Variants in COL24A1 observed in about 807,000 individuals in gnomAD.
COL24A1 encodes the protein collagen alpha-1(XXIV) chain.
A neutral mutation model predicts 253.9 loss-of-function variants in COL24A1; 224 were observed. That is an observed-to-expected ratio of 0.88 (90% confidence interval 0.79 to 0.99). The LOEUF (loss-of-function observed/expected upper bound fraction) is 0.99. Ranked by LOEUF, COL24A1 falls within the 50% of genes least tolerant of loss-of-function variation. COL24A1 has a pLI of 0.00. For synonymous variants in COL24A1, 685 were observed against 673.7 expected, an observed-to-expected ratio of 1.02 and a Z score of -0.26; for missense variants, 2,131 against 2,068.5, an observed-to-expected ratio of 1.03 and a Z score of -0.59.
Position 85,911,386 on chromosome 1 carries a change from G to A in COL24A1, c.2610C>T (p.Gly870=), listed in dbSNP as rs778765825. 7.5e-6 allele frequency: 12 copies of A among 1,609,436 alleles called. No individual in the cohort carries two copies. The highest frequency in any genetic ancestry group is 1.3e-5 in the African/African-American group (1 of 74,462). ...ATAATTCTTAAAAAATTACCTTTTC[G>A]CCAATGCTTCCAGTCATCCCAACTT... The part of the protein sequence containing the change: ...PGEVGMTGSI[G]EKGERGSPGP... Residue 870 remains glycine (G), a synonymous_variant, in exon 25 of 60, where the codon GGC becomes GGT. Coordinates refer to ENST00000370571, the MANE Select transcript of COL24A1 (RefSeq NM_152890.7).
intron 37 of COL24A1, among the ~76,000 whole-genome samples, chr1:85,850,785 A>G (rs1012127936): frequency 6.6e-6 from 1 of 152,196 alleles, no homozygotes; most frequent in African/African-American, 2.4e-5. Flanking sequence ...CTAAGAGCAA[A>G]TAAGAGAATG....
At chr1:86,015,447 C>T (rs187344700) in intron 19 of COL24A1, among the ~76,000 whole-genome samples, 22 of 152,106 alleles carry the variant, frequency 1.4e-4, no homozygotes, top group Admixed American at 1.0e-3. Flanking sequence ...CTTTAGAAGA[C>T]CAAGTAGTAA....
At chr1:85,736,656 T>G (rs1664093008) in intron 58 of COL24A1, 1 of 354,666 alleles carries the variant, frequency 2.8e-6, no homozygotes, top group Non-Finnish European at 5.6e-6. Context: ...AGATTGAATT[T>G]TATCTGCTGT....
chr1:85,775,417 G>C (rs892200518), intron 53 of COL24A1, among the ~76,000 whole-genome samples: 1 of 152,110 alleles, frequency 6.6e-6, no homozygotes, highest in African/African-American at 2.4e-5. Context: ...TTCAAGTCCT[G>C]GATATCTTTG....
chr1:85,975,884 C>T (rs1240815023), intron 20 of COL24A1, among the ~76,000 whole-genome samples: 1 of 152,252 alleles, frequency 6.6e-6, no homozygotes, highest in East Asian at 1.9e-4. Flanking sequence ...AAGGATTTAA[C>T]CTTACCTAGA....
intron 2 of COL24A1, among the ~76,000 whole-genome samples, chr1:86,145,862 G>C (rs1200502293): frequency 6.6e-6 from 1 of 151,818 alleles, no homozygotes; most frequent in East Asian, 1.9e-4. Flanking sequence ...CCTTTTTATT[G>C]TACAAAACTT....
intron 19 of COL24A1, among the ~76,000 whole-genome samples, chr1:86,007,049 A>AAAT (rs147729217): frequency 0.18 from 27,437 of 150,996 alleles, 3,116 homozygotes; most frequent in African/African-American, 0.32. Context: ...TTGTCTCTAC[A>AAAT]AATAATAATA....
At chr1:85,877,358 AT>A (rs1681297554) in intron 32 of COL24A1, among the ~76,000 whole-genome samples, 183 bp from the exon 33 acceptor site, 1 of 151,964 alleles carries the variant, frequency 6.6e-6, no homozygotes, top group Non-Finnish European at 1.5e-5. Flanking sequence ...TGATTCATGT[AT>A]GTGTGTGTGT....
intron 43 of COL24A1, among the ~76,000 whole-genome samples, chr1:85,825,257 C>A (rs1248527335): frequency 4.6e-5 from 7 of 152,024 alleles, no homozygotes; most frequent in Non-Finnish European, 4.4e-5. Flanking sequence ...ATGAACTCAT[C>A]ATTTTTTATG....
chr1:85,903,613 G>A, intron 28 of COL24A1, among the ~76,000 whole-genome samples: 1 of 152,260 alleles, frequency 6.6e-6, no homozygotes, highest in East Asian at 1.9e-4. Context: ...GAAAATTAAA[G>A]TTGGCTGCAC....
chr1:86,050,882 AAATAACCC>A lies in COL24A1; in HGVS notation c.1852-713_1852-706del, dbSNP rs548453325. Among the ~76,000 whole-genome samples, 48 of 152,264 alleles carry A rather than the reference AAATAACCC, an allele frequency of 3.2e-4. No homozygotes were observed. The South Asian group carries it at 5.2e-3, about 16-fold the overall frequency. ...AACTTAGTTATATCTCACTTGTGGG[AAATAACCC>A]ATTTCATCAATTTTACAGATAAAGT... On this transcript the variant is annotated intron_variant, in intron 10 of 59. Transcript: ENST00000370571.
At chr1:86,040,754 A>G (rs1022576177) in intron 12 of COL24A1, among the ~76,000 whole-genome samples, 41 of 152,072 alleles carry the variant, frequency 2.7e-4, no homozygotes, top group Non-Finnish European at 5.4e-4. Context: ...AGAATCCAGA[A>G]AATACATTTT....
At chr1:85,841,882 G>A (rs1011961715) in intron 41 of COL24A1, among the ~76,000 whole-genome samples, 186 bp downstream of exon 41, 13 of 152,106 alleles carry the variant, frequency 8.5e-5, no homozygotes, top group African/African-American at 3.1e-4. Context: ...ACCCATGGAA[G>A]ATATTTTAAT....
At chr1:85,907,159 G>GA (rs997510532) in intron 28 of COL24A1, 35 bp downstream of exon 28, 1 of 1,556,970 alleles carries the variant, frequency 6.4e-7, no homozygotes, top group Admixed American at 1.7e-5. Flanking sequence ...GTAATTTTGG[G>GA]GGGGTTAATG....
chr1:85,761,691 G>T, intron 53 of COL24A1, 125 bp from the exon 54 acceptor site: 1 of 879,126 alleles, frequency 1.1e-6, no homozygotes, highest in Non-Finnish European at 1.8e-6. Context: ...ATTTAAAATT[G>T]TTTTAGTATT....
intron 24 of COL24A1, among the ~76,000 whole-genome samples, chr1:85,933,443 TGC>T (rs946382726): frequency 6.6e-6 from 1 of 152,220 alleles, no homozygotes; most frequent in Non-Finnish European, 1.5e-5. Flanking sequence ...GGAGAGAAGA[TGC>T]TGGCAGGATT....
intron 35 of COL24A1, among the ~76,000 whole-genome samples, chr1:85,870,054 A>T (rs779485902): frequency 2.2e-4 from 34 of 152,218 alleles, no homozygotes; most frequent in African/African-American, 6.0e-4. Context: ...AATCCTAGTC[A>T]CTGATAAAAA....
In COL24A1 at chr1:85,885,398, T is replaced by TATATA. The variant is rs1553213745; in HGVS notation, c.2976+4161_2976+4162insTATAT. On this transcript the variant is annotated intron_variant, in intron 32 of 59. Coordinates refer to ENST00000370571, the MANE Select transcript of COL24A1 (RefSeq NM_152890.7). ...GTGTGTATATATATATATATATATATTTTTTTTTTAAGTAGAAACTAAATG... is the reference window on the plus strand; with the variant it reads ...GTGTGTATATATATATATATATATATATATATTTTTTTTTAAGTAGAAACTAAATG... 1.0e-4 allele frequency among the ~76,000 whole-genome samples: 6 copies of TATATA among 58,180 alleles called. 1 individual carries two copies. The highest frequency in any genetic ancestry group is 3.1e-4 in the African/African-American group (6 of 19,136). 38.2% of individuals were successfully genotyped at this position (58,180 alleles called of 152,430 possible).
At chr1:86,001,711 A>T (rs1242825983) in intron 19 of COL24A1, among the ~76,000 whole-genome samples, 2 of 152,130 alleles carry the variant, frequency 1.3e-5, no homozygotes, top group Non-Finnish European at 2.9e-5. Context: ...GAGCACACCG[A>T]TTGTTTGAGA....
Sources: gnomAD v4.1 joint callset for allele counts (sites outside exome capture counted in the v4.1 genomes callset) on GRCh38, gnomAD v4.1.1 for gene constraint, MANE v1.5 for transcripts, NCBI Gene and HGNC (gene_info 2026-07-23, HGNC 2026-07-21) for gene names.